The following LBHD2 variants were observed in gnomAD, a reference collection of about 807,000 sequenced individuals.
LBHD2 encodes the protein LBH domain containing 2.
At position 103,089,397 on chromosome 14, in the gene LBHD2, A is replaced by G. The variant is rs117249881; in HGVS notation, c.227-300A>G. Among the ~76,000 whole-genome samples the G allele has an allele frequency of 2.7e-3, 416 of 152,232 alleles. 12 individuals are homozygous for G. In the East Asian group the frequency reaches 0.065, roughly 24 times the overall value. ...TCTGCCCAGGGCCCAGGACAGCATCAGGGACCACCACTCGGGTAACCCCTG... is the reference window on the plus strand; with the variant it reads ...TCTGCCCAGGGCCCAGGACAGCATCGGGGACCACCACTCGGGTAACCCCTG... On this transcript the variant is annotated intron_variant, in intron 3 of 3. Coordinates refer to ENST00000634353, the MANE Select transcript of LBHD2 (RefSeq NM_001330236.2).
At chr14:103,089,239 G>A (rs535528651) in intron 3 of LBHD2, among the ~76,000 whole-genome samples, 1 of 152,108 alleles carries the variant, frequency 6.6e-6, no homozygotes, top group Non-Finnish European at 1.5e-5. Flanking sequence ...GGGCCGCTCA[G>A]CACCTTGCCT....
Position 103,089,855 on chromosome 14 carries a change from G to A in LBHD2, c.*58G>A, listed in dbSNP as rs1323267131. ...TGCTGAGGGCCTCTGCCCCAGGGTG[G>A]CCGGGCTGATGCACAGGAGGGCCGG... On this transcript the variant is annotated 3_prime_UTR_variant, in exon 4 of 4. Transcript: ENST00000634353. 1 of 398,240 alleles carries A rather than the reference G, an allele frequency of 2.5e-6. No homozygotes were observed. Among genetic ancestry groups the A allele is most frequent in the Non-Finnish European group, 4.4e-6 (1 of 225,946 alleles). 24.7% of individuals were successfully genotyped at this position (398,240 alleles called of 1,614,324 possible).
intron 1 of LBHD2, among the ~76,000 whole-genome samples, chr14:103,085,549 T>A (rs1889621816): frequency 6.6e-6 from 1 of 152,312 alleles, no homozygotes; most frequent in South Asian, 2.1e-4. Flanking sequence ...AATGGGCACC[T>A]TGGCCTCTGG....
intron 3 of LBHD2, 66 bp from the exon 4 acceptor site, chr14:103,089,630 GC>G: frequency 2.5e-6 from 1 of 398,288 alleles, no homozygotes. Context: ...CTCATTTCGG[GC>G]CCCTGGGATC....
chr14:103,087,725 C>T lies in LBHD2; in HGVS notation c.70-360C>T, dbSNP rs1364623788. Among the ~76,000 whole-genome samples the T allele has an allele frequency of 5.3e-5, 8 of 152,316 alleles. No homozygotes were observed. In the South Asian group the frequency reaches 1.7e-3, roughly 32 times the overall value. ...GAAGGGACTGGCAGGAGTCTGGGTGCAGGAGGCAGCTGGGGGTGCGCAGAA... is the reference window on the plus strand; with the variant it reads ...GAAGGGACTGGCAGGAGTCTGGGTGTAGGAGGCAGCTGGGGGTGCGCAGAA... On this transcript the variant is annotated intron_variant, in intron 2 of 3. Transcript: ENST00000634353.
intron 1 of LBHD2, among the ~76,000 whole-genome samples, chr14:103,085,454 G>A (rs1249336705): frequency 6.4e-5 from 3 of 47,116 alleles, no homozygotes; most frequent in Non-Finnish European, 1.4e-4. Context: ...GCGGCCAAGT[G>A]CAGGGGCAGG....
rs113001916 is a variant in LBHD2, at chr14:103,089,595, C to T, written c.227-102C>T. The T allele has an allele frequency of 6.8e-4, 271 of 398,204 alleles. 3 individuals carry two copies. The highest frequency in any genetic ancestry group is 5.0e-3 in the African/African-American group (246 of 48,742). The allele number at this position is 398,204 out of a possible 1,614,324, so 24.7% of individuals were successfully genotyped here. On this transcript the variant is annotated intron_variant, in intron 3 of 3. Coordinates refer to ENST00000634353, the MANE Select transcript of LBHD2 (RefSeq NM_001330236.2). ...TCACCCGAGGGGACCTCCTGGCCTG[C>T]CCCAGCCCAGTTGCCTGCCAAACGC...
In LBHD2 at chr14:103,089,816, C is replaced by G. The variant is rs2036435305; in HGVS notation, c.*19C>G. 1.8e-5 allele frequency: 7 copies of G among 398,500 alleles called. No homozygotes were observed. In the South Asian group the frequency reaches 3.8e-4, roughly 22 times the overall value. 24.7% of individuals were successfully genotyped at this position (398,500 alleles called of 1,614,324 possible). On this transcript the variant is annotated 3_prime_UTR_variant, in exon 4 of 4. Coordinates refer to ENST00000634353, the MANE Select transcript of LBHD2 (RefSeq NM_001330236.2). ...GGGATAGGACAAGGACGTGGCTGGG[C>G]TCTGCTGTCTGACTGCTGAGGGCCT...
At chr14:103,087,831 C>G (rs150499233) in intron 2 of LBHD2, among the ~76,000 whole-genome samples, 1,843 of 152,296 alleles carry the variant, frequency 0.012, 22 homozygotes, top group Non-Finnish European at 0.018. Context: ...CTGAGCACAG[C>G]TGCGTCCTAT....
rs575648705 is a variant in LBHD2 at position 103,088,995 on chromosome 14, A to G, written c.227-702A>G. 1.4e-4 allele frequency among the ~76,000 whole-genome samples: 22 copies of G among 152,318 alleles called. No individual in the cohort carries two copies. The East Asian group carries it at 3.9e-3, about 27-fold the overall frequency. On this transcript the variant is annotated intron_variant, in intron 3 of 3. Coordinates refer to ENST00000634353, the MANE Select transcript of LBHD2 (RefSeq NM_001330236.2). ...GGCGATAGAGTGAGACTCCATCTCA[A>G]AATAAAAGCTGAAACTTCTGGGAGG...
chr14:103,084,727 C>T (rs903069705), intron 1 of LBHD2, among the ~76,000 whole-genome samples: 4 of 152,180 alleles, frequency 2.6e-5, no homozygotes, highest in Admixed American at 6.5e-5. Flanking sequence ...CTCTCTCTCT[C>T]TCTCTCTTCT....
At chr14:103,087,688 G>C (rs1889653417) in intron 2 of LBHD2, among the ~76,000 whole-genome samples, 1 of 152,226 alleles carries the variant, frequency 6.6e-6, no homozygotes, top group Non-Finnish European at 1.5e-5. Context: ...GGCCCAGCAG[G>C]GAAGACCCCA....
At position 103,088,229 on chromosome 14, in the gene LBHD2, C is replaced by T. The variant is rs1889661391; in HGVS notation, c.214C>T (p.Arg72Trp). ...ESAQRGPSQS[R>W]AAAAPSPSLP... ...TGCCCAGAGGGGCCCCTCTCAGAGC[C>T]GGGCTGCTGCTGGTAAGTGAGGGTG... The change falls in exon 3 of 4, where the codon CGG (arginine) becomes TGG (tryptophan). Residue 72 changes from arginine (R) to tryptophan (W), a missense_variant. Coordinates refer to ENST00000634353, the MANE Select transcript of LBHD2 (RefSeq NM_001330236.2). 2.3e-5 allele frequency: 9 copies of T among 398,820 alleles called. No individual in the cohort carries two copies. Among genetic ancestry groups the T allele is most frequent in the East Asian group, 1.1e-4 (3 of 28,074 alleles). The allele number at this position is 398,820 out of a possible 1,614,324, so 24.7% of individuals were successfully genotyped here.
rs981949081 is a variant in LBHD2, at chr14:103,084,286, A to C, written c.-99A>C. 1 of 152,188 alleles carries C rather than the reference A, an allele frequency of 6.6e-6. No homozygotes were observed. Among genetic ancestry groups the C allele is most frequent in the African/African-American group, 2.4e-5 (1 of 41,436 alleles). The allele number at this position is 152,188 out of a possible 1,614,324, so 9.4% of individuals were successfully genotyped here. ...CGGGCGGTGAGCGTGAGTGTGGCGC[A>C]GGGTCGCCCCTCCCCAGCCTGGCCC... On this transcript the variant is annotated 5_prime_UTR_variant, in exon 1 of 4. Transcript: ENST00000634353.
At position 103,086,089 on chromosome 14, in the gene LBHD2, C is replaced by T; in HGVS notation, c.69+8C>T. 5.2e-6 allele frequency: 2 copies of T among 387,258 alleles called. No homozygotes were observed. The highest frequency in any genetic ancestry group is 9.1e-6 in the Non-Finnish European group (2 of 219,558). The allele number at this position is 387,258 out of a possible 1,614,324, so 24.0% of individuals were successfully genotyped here. On this transcript the variant is annotated splice_region_variant and intron_variant, in intron 2 of 3. Coordinates refer to ENST00000634353, the MANE Select transcript of LBHD2 (RefSeq NM_001330236.2). Reference sequence around the variant, plus strand: ...GGAGGCCCAGAAGGGAAGGTATGCGCTCGGGACCCTGGGGGGGTCGGGAGG... The same window carrying T: ...GGAGGCCCAGAAGGGAAGGTATGCGTTCGGGACCCTGGGGGGGTCGGGAGG...
At position 103,088,097 on chromosome 14, in the gene LBHD2, G is replaced by A. The variant is rs1226601245; in HGVS notation, c.82G>A (p.Ala28Thr). 2 of 398,702 alleles carry A rather than the reference G, an allele frequency of 5.0e-6. No homozygotes were observed. The highest frequency in any genetic ancestry group is 6.2e-4 in the Middle Eastern group (1 of 1,612). The allele number at this position is 398,702 out of a possible 1,614,324, so 24.7% of individuals were successfully genotyped here. A position where few individuals can be genotyped will look rare whatever the true frequency, so the allele number is the denominator to read the frequency against. Residue 28 changes from alanine (A) to threonine (T), a missense_variant, in exon 3 of 4, where the codon GCC becomes ACC. By Grantham distance (58) the Ala-to-Thr change is moderately conservative. Transcript: ENST00000634353. ...GGPEGKAVAG[A>T]WEKGPRLGQR... ...ATCCTCCTTGCAGGCTGTGGCAGGT[G>A]CCTGGGAGAAGGGCCCTCGGCTGGG...
chr14:103,089,662 C>G, intron 3 of LBHD2, 35 bp from the exon 4 acceptor site: 1 of 398,630 alleles, frequency 2.5e-6, no homozygotes, highest in Non-Finnish European at 4.4e-6. Flanking sequence ...GCACTCCCCC[C>G]GCCGACCAAC....
intron 3 of LBHD2, among the ~76,000 whole-genome samples, chr14:103,088,841 A>G (rs1229159296): frequency 6.6e-6 from 1 of 152,222 alleles, no homozygotes; most frequent in Non-Finnish European, 1.5e-5. Flanking sequence ...TAAAAATACA[A>G]AAATTAGCCA....
rs534861542 is a variant in LBHD2, at chr14:103,089,753, G to A, written c.283G>A (p.Glu95Lys). 1.6e-4 allele frequency: 64 copies of A among 398,580 alleles called. No homozygotes were observed. The highest frequency in any genetic ancestry group is 2.8e-4 in the East Asian group (8 of 28,088). The allele number at this position is 398,580 out of a possible 1,614,324, so 24.7% of individuals were successfully genotyped here. A position where few individuals can be genotyped will look rare whatever the true frequency, so the allele number is the denominator to read the frequency against. Residue 95 changes from glutamate to lysine, a missense_variant, in exon 4 of 4, where the codon GAG becomes AAG. Transcript: ENST00000634353. Reference sequence around the variant, plus strand: ...GAAAGCTGCAGATAACGCTGGCAGCGAGTGTGCCTGCTCCGAGGACCCAGC... The same window carrying A: ...GAAAGCTGCAGATAACGCTGGCAGCAAGTGTGCCTGCTCCGAGGACCCAGC... ...PGKAADNAGS[E>K]CACSEDPAAP...
Sources: gnomAD v4.1 joint callset for allele counts (sites outside exome capture counted in the v4.1 genomes callset) on GRCh38, gnomAD v4.1.1 for gene constraint, MANE v1.5 for transcripts, NCBI Gene and HGNC (gene_info 2026-07-23, HGNC 2026-07-21) for gene names.